Variants in TRPC1 observed in about 807,000 individuals in gnomAD.
The protein encoded by TRPC1 is short transient receptor potential channel 1.
Under a neutral mutation model 88.2 loss-of-function variants are expected in TRPC1, and 42 were observed. The observed-to-expected ratio is 0.48, with a 90% CI of 0.37 to 0.62. The LOEUF (loss-of-function observed/expected upper bound fraction) is 0.62, where lower values mean the gene tolerates loss of function less well. Among genes scored for constraint, TRPC1 ranks in the 20% least tolerant of loss-of-function variants. The pLI is 0.00. For missense variants in TRPC1, 699 were observed against 957.3 expected, an observed-to-expected ratio of 0.73 and a Z score of 3.56; for synonymous variants, 288 against 331.8, an observed-to-expected ratio of 0.87 and a Z score of 1.43.
intron 1 of TRPC1, among the ~76,000 whole-genome samples, chr3:142,732,390 G>C (rs114958609): frequency 2.0e-5 from 3 of 152,120 alleles, no homozygotes; most frequent in Non-Finnish European, 4.4e-5. Flanking sequence ...CTAGGGATCC[G>C]GCCTTCAGCT....
chr3:142,759,460 T>C (rs1935102241), intron 4 of TRPC1, among the ~76,000 whole-genome samples: 1 of 152,220 alleles, frequency 6.6e-6, no homozygotes, highest in Non-Finnish European at 1.5e-5. Flanking sequence ...GTCTGTTGGG[T>C]GCATAAATGT....
chr3:142,773,468 C>A (rs1469098502), intron 4 of TRPC1, among the ~76,000 whole-genome samples: 1 of 151,544 alleles, frequency 6.6e-6, no homozygotes, highest in African/African-American at 2.4e-5. Flanking sequence ...AGGACAATGT[C>A]ATGTCAAATA....
At chr3:142,770,399 A>G (rs1341804221) in intron 4 of TRPC1, among the ~76,000 whole-genome samples, 1 of 152,092 alleles carries the variant, frequency 6.6e-6, no homozygotes, top group Non-Finnish European at 1.5e-5. Flanking sequence ...GCCCAGCCAT[A>G]TACATGTTAT....
chr3:142,762,874 A>G (rs1045267021), intron 4 of TRPC1, among the ~76,000 whole-genome samples: 1 of 152,114 alleles, frequency 6.6e-6, no homozygotes, highest in Non-Finnish European at 1.5e-5. Context: ...TTATATTCCC[A>G]TGTTCATTTG....
At chr3:142,777,146 A>G (rs1288203663) in intron 4 of TRPC1, among the ~76,000 whole-genome samples, 2 of 152,094 alleles carry the variant, frequency 1.3e-5, no homozygotes, top group Non-Finnish European at 2.9e-5. Context: ...CCCTGTCTCT[A>G]TAAAAATTTT....
chr3:142,731,842 C>A (rs1315068159), intron 1 of TRPC1, among the ~76,000 whole-genome samples: 1 of 152,002 alleles, frequency 6.6e-6, no homozygotes, highest in Non-Finnish European at 1.5e-5. Context: ...TTTTATATTT[C>A]AAATGGTTAA....
At chr3:142,733,538 C>T (rs1168539730) in intron 1 of TRPC1, among the ~76,000 whole-genome samples, 4 of 152,100 alleles carry the variant, frequency 2.6e-5, no homozygotes, top group East Asian at 3.9e-4. Flanking sequence ...AACTTTAAAG[C>T]TGGAATATAT....
At chr3:142,791,927 A>G in intron 8 of TRPC1, among the ~76,000 whole-genome samples, 1 of 152,058 alleles carries the variant, frequency 6.6e-6, no homozygotes, top group East Asian at 1.9e-4. Flanking sequence ...TTGTGTGTTA[A>G]CTATCTTTGT....
intron 4 of TRPC1, among the ~76,000 whole-genome samples, chr3:142,751,060 GTTAAAA>G (rs1453907812): frequency 2.6e-5 from 4 of 152,124 alleles, no homozygotes; most frequent in Non-Finnish European, 4.4e-5. Context: ...TGGTAAAAAA[GTTAAAA>G]TTTAAAGTTT....
At chr3:142,747,342 C>G (rs1471037569) in intron 3 of TRPC1, among the ~76,000 whole-genome samples, 1 of 150,782 alleles carries the variant, frequency 6.6e-6, no homozygotes, top group Non-Finnish European at 1.5e-5. Context: ...TATAATATTG[C>G]AAAAAAAAAG....
At position 142,729,661 on chromosome 3, in the gene TRPC1, C is replaced by T. The variant is rs563582775; in HGVS notation, c.172+4930C>T. Among the ~76,000 whole-genome samples, 19 of 152,210 alleles carry T rather than the reference C, an allele frequency of 1.2e-4. No homozygotes were observed. The South Asian group carries it at 2.1e-3, about 17-fold the overall frequency. On this transcript the variant is annotated intron_variant, in intron 1 of 12. Transcript: ENST00000476941. ...TTAAATTTTATTATATAGGTATTAT[C>T]GTAACCTAATAATTCCTCTTCTACC...
chr3:142,751,875 T>C (rs1452143215), intron 4 of TRPC1, among the ~76,000 whole-genome samples: 2 of 152,214 alleles, frequency 1.3e-5, no homozygotes, highest in Non-Finnish European at 2.9e-5. Flanking sequence ...TTTTTTCTAT[T>C]TTCAAGTCTA....
intron 4 of TRPC1, among the ~76,000 whole-genome samples, chr3:142,763,927 C>G (rs894016620): frequency 6.8e-4 from 68 of 100,594 alleles, no homozygotes; most frequent in Admixed American, 2.5e-3. Flanking sequence ...CCAGCCTGGG[C>G]AATAGAGCGA....
At chr3:142,796,384 TAAAC>T (rs1242050293) in intron 9 of TRPC1, among the ~76,000 whole-genome samples, 1 of 152,136 alleles carries the variant, frequency 6.6e-6, no homozygotes, top group South Asian at 2.1e-4. Flanking sequence ...TCAAATGAAT[TAAAC>T]AGCCTTTTAC....
intron 4 of TRPC1, among the ~76,000 whole-genome samples, chr3:142,754,403 A>C (rs1934886733): frequency 6.6e-6 from 1 of 152,150 alleles, no homozygotes; most frequent in Non-Finnish European, 1.5e-5. Flanking sequence ...AGTTAAATTT[A>C]ATTTGCATAA....
In TRPC1 at chr3:142,724,844, T is replaced by G; in HGVS notation, c.172+113T>G. ...CCCTCTGTCTCAGGCGCCGAGTGTC[T>G]TCCCGCCTCGCCTGCTGCCTCAGGC... On this transcript the variant is annotated intron_variant, in intron 1 of 12. Transcript: ENST00000476941. The surrounding 1 kb of genome is among the most constrained non-coding windows in gnomAD (Gnocchi z 5.6). 1.6e-6 allele frequency: 2 copies of G among 1,247,812 alleles called. No homozygotes were observed. The highest frequency in any genetic ancestry group is 2.9e-5 in the East Asian group (1 of 34,188). The allele number at this position is 1,247,812 out of a possible 1,614,324, so 77.3% of individuals were successfully genotyped here.
At chr3:142,799,005 CA>C (rs1477950840) in intron 9 of TRPC1, among the ~76,000 whole-genome samples, 1 of 152,022 alleles carries the variant, frequency 6.6e-6, no homozygotes, top group Admixed American at 6.6e-5. Context: ...ATTAACAGAT[CA>C]AAAGATATGA....
In TRPC1 at chr3:142,806,125, G is replaced by A; in HGVS notation, c.2272G>A (p.Val758Met). The A allele has an allele frequency of 6.2e-7, 1 of 1,613,914 alleles. No homozygotes were observed. Among genetic ancestry groups the A allele is most frequent in the Non-Finnish European group, 8.5e-7 (1 of 1,179,866 alleles). ...GATGCAAAGTACAGATCAGGCAACT[G>A]TGGAAAATCTAAACGAACTGCGCCA... The part of the protein sequence containing the change: ...QKMQSTDQAT[V>M]ENLNELRQDL... The change falls in exon 13 of 13, where the codon GTG becomes ATG. Residue 758 changes from valine to methionine, a missense_variant. Physicochemically the swap from Val to Met is conservative, Grantham distance 21. Around this residue, in one of 4 missense-constraint regions of TRPC1, gnomAD observed 105 missense variants for 141.7 expected, o/e 0.74. Coordinates refer to ENST00000476941, the MANE Select transcript of TRPC1 (RefSeq NM_001251845.2).
chr3:142,787,058 A>G (rs1270135515), intron 7 of TRPC1, among the ~76,000 whole-genome samples: 1 of 152,192 alleles, frequency 6.6e-6, no homozygotes, highest in Non-Finnish European at 1.5e-5. Flanking sequence ...ATGATATTAC[A>G]CGTATATATA....
Sources: gnomAD v4.1 joint callset for allele counts (sites outside exome capture counted in the v4.1 genomes callset) on GRCh38, gnomAD v4.1.1 for gene constraint, gnomAD v4.1.1 regional missense constraint, Gnocchi (gnomAD v3.1) non-coding constraint, MANE v1.5 for transcripts, NCBI Gene and HGNC (gene_info 2026-07-23, HGNC 2026-07-21) for gene names.